Variants in TMC1 observed in about 807,000 individuals in gnomAD.
TMC1 encodes the protein transmembrane channel like 1, also known as transmembrane channel-like protein 1.
A neutral mutation model predicts 105.8 loss-of-function variants in TMC1; 84 were observed. The ratio of observed to expected loss-of-function variants is 0.79; its 90% CI spans 0.67 to 0.95. TMC1 has a LOEUF of 0.95. Ranked by LOEUF, TMC1 falls within the 40% of genes least tolerant of loss-of-function variation. TMC1 has a pLI of 0.00. For synonymous variants in TMC1, 315 were observed against 311.5 expected (o/e 1.01, Z -0.12); for missense variants, 817 against 914.1 (o/e 0.89, Z 1.37).
chr9:72,693,841 CATT>C (rs1185598291), intron 6 of TMC1, among the ~76,000 whole-genome samples: 5 of 152,018 alleles, frequency 3.3e-5, no homozygotes, highest in African/African-American at 1.2e-4. Context: ...ATGAGGCATT[CATT>C]GTTGTTGATG....
At chr9:72,616,732 G>A (rs1204482796) in intron 3 of TMC1, among the ~76,000 whole-genome samples, 1 of 151,858 alleles carries the variant, frequency 6.6e-6, no homozygotes, top group East Asian at 1.9e-4. Context: ...GAGGAAAGCA[G>A]TTGGAAAATC....
chr9:72,638,159 C>A (rs1173312946), intron 4 of TMC1, among the ~76,000 whole-genome samples: 4 of 152,116 alleles, frequency 2.6e-5, no homozygotes, highest in Admixed American at 2.6e-4. Flanking sequence ...TTTCTCTCCT[C>A]CCGCCCCCAG....
At chr9:72,574,752 A>C (rs1824346229) in intron 1 of TMC1, among the ~76,000 whole-genome samples, 1 of 152,188 alleles carries the variant, frequency 6.6e-6, no homozygotes, top group South Asian at 2.1e-4. Context: ...ATGCAAGGTG[A>C]ATTTCTAGAA....
intron 5 of TMC1, among the ~76,000 whole-genome samples, chr9:72,684,251 C>G (rs921503246): frequency 4.6e-5 from 7 of 152,070 alleles, no homozygotes; most frequent in Admixed American, 6.6e-5. Flanking sequence ...ACTCACTGCC[C>G]ATCAGTTCAT....
At chr9:72,624,910 C>T (rs934580452) in intron 3 of TMC1, among the ~76,000 whole-genome samples, 16 of 152,136 alleles carry the variant, frequency 1.1e-4, no homozygotes, top group Non-Finnish European at 1.5e-4. Flanking sequence ...CCAAGTCCTG[C>T]GGACAAATTG....
At chr9:72,565,829 A>C (rs530613124) in intron 1 of TMC1, among the ~76,000 whole-genome samples, 1 of 152,182 alleles carries the variant, frequency 6.6e-6, no homozygotes, top group Non-Finnish European at 1.5e-5. Flanking sequence ...CTTATTCACT[A>C]TCACAAGGAC....
intron 1 of TMC1, among the ~76,000 whole-genome samples, chr9:72,536,009 G>A (rs927538060): frequency 2.0e-5 from 3 of 152,160 alleles, no homozygotes; most frequent in Admixed American, 2.0e-4. Flanking sequence ...TTGAAGGGGG[G>A]ACAAACATCC....
At chr9:72,806,196 G>A (rs1459045747) in intron 18 of TMC1, among the ~76,000 whole-genome samples, 12 of 132,432 alleles carry the variant, frequency 9.1e-5, no homozygotes, top group African/African-American at 2.5e-4. Context: ...CTCCCCTCCC[G>A]GACGGGGCGG....
At chr9:72,529,284 A>G (rs1823457933) in intron 1 of TMC1, among the ~76,000 whole-genome samples, 1 of 152,276 alleles carries the variant, frequency 6.6e-6, no homozygotes, top group East Asian at 1.9e-4. Context: ...GCCAAAAATT[A>G]AAGAATAATA....
At chr9:72,668,851 G>T (rs2132167023) in intron 5 of TMC1, among the ~76,000 whole-genome samples, 1 of 152,228 alleles carries the variant, frequency 6.6e-6, no homozygotes, top group East Asian at 1.9e-4. Context: ...TTTTATAACT[G>T]CCAGGGTCAA....
At chr9:72,522,154 G>GTTTTTTTTTTT (rs66973360) in intron 1 of TMC1, among the ~76,000 whole-genome samples, 1 of 47,752 alleles carries the variant, frequency 2.1e-5, no homozygotes, top group African/African-American at 1.0e-4. Context: ...TAATTGATAA[G>GTTTTTTTTTTT]TTTTTTTTTT....
At chr9:72,667,548 T>A (rs1341364240) in intron 5 of TMC1, among the ~76,000 whole-genome samples, 2 of 152,258 alleles carry the variant, frequency 1.3e-5, no homozygotes, top group Non-Finnish European at 2.9e-5. Context: ...GATATTGGGA[T>A]GTAGTCACAA....
At chr9:72,619,829 A>AT (rs34553811) in intron 3 of TMC1, among the ~76,000 whole-genome samples, 5 of 149,420 alleles carry the variant, frequency 3.3e-5, no homozygotes, top group Admixed American at 6.6e-5. Context: ...TAATTAATTA[A>AT]TTAATTTATT....
At chr9:72,670,194 A>C (rs1353884210) in intron 5 of TMC1, among the ~76,000 whole-genome samples, 1 of 152,162 alleles carries the variant, frequency 6.6e-6, no homozygotes, top group East Asian at 1.9e-4. Context: ...GAACCTCTGA[A>C]AAGGTTTAGA....
chr9:72,725,479 C>A (rs1827106589), intron 8 of TMC1, among the ~76,000 whole-genome samples: 1 of 150,840 alleles, frequency 6.6e-6, no homozygotes, highest in Admixed American at 6.6e-5. Context: ...GCAAGGAGAG[C>A]CAGTCCCAAA....
In TMC1 at chr9:72,792,258, A is replaced by G. The variant is rs1348142681; in HGVS notation, c.1472A>G (p.Asn491Ser). 8 of 1,614,052 alleles carry G rather than the reference A, an allele frequency of 5.0e-6. No individual in the cohort carries two copies. Among genetic ancestry groups the G allele is most frequent in the Non-Finnish European group, 3.4e-6 (4 of 1,180,020 alleles). ...LWEANMIKAY[N>S]ASFSENSTGP... ...GAAGCCAATATGATCAAGGCCTACAATGCATCATTCTCTGAAAATAGCACT... is the reference window on the plus strand; with the variant it reads ...GAAGCCAATATGATCAAGGCCTACAGTGCATCATTCTCTGAAAATAGCACT... The change falls in exon 17 of 24, where the codon AAT becomes AGT. Residue 491 changes from asparagine (N) to serine (S), a missense_variant. Asn to Ser is a conservative substitution (Grantham distance 46, BLOSUM62 1). Coordinates refer to ENST00000297784, the MANE Select transcript of TMC1 (RefSeq NM_138691.3).
At chr9:72,835,789 A>C (rs1366627490) in intron 23 of TMC1, among the ~76,000 whole-genome samples, 162 bp from the exon 24 acceptor site, 2 of 152,138 alleles carry the variant, frequency 1.3e-5, no homozygotes, top group African/African-American at 4.8e-5. Flanking sequence ...TAAAATGGTA[A>C]ATATTATGGG....
chr9:72,707,611 G>T (rs768283168), intron 8 of TMC1, among the ~76,000 whole-genome samples: 5 of 151,860 alleles, frequency 3.3e-5, no homozygotes, highest in Non-Finnish European at 5.9e-5. Flanking sequence ...AGGACTGTTT[G>T]TATTTTTCTT....
At chr9:72,807,450 G>T (rs1213050916) in intron 18 of TMC1, among the ~76,000 whole-genome samples, 1 of 152,154 alleles carries the variant, frequency 6.6e-6, no homozygotes, top group Non-Finnish European at 1.5e-5. Flanking sequence ...CGAGTATCAT[G>T]GTTTACAATA....
Sources: gnomAD v4.1 joint callset for allele counts (sites outside exome capture counted in the v4.1 genomes callset) on GRCh38, gnomAD v4.1.1 for gene constraint, MANE v1.5 for transcripts, NCBI Gene and HGNC (gene_info 2026-07-23, HGNC 2026-07-21) for gene names.